The following FTCD variants were observed in gnomAD, a reference collection of about 807,000 sequenced individuals.
FTCD encodes the protein formimidoyltransferase cyclodeaminase.
FTCD carries 76 observed loss-of-function variants against 62.9 expected under a neutral mutation model. The ratio of observed to expected loss-of-function variants is 1.21; its 90% CI spans 1.00 to 1.46. FTCD has a LOEUF of 1.46. Ranked by LOEUF, FTCD falls within the 40% of genes most tolerant of loss-of-function variation. The pLI is 0.00. For missense variants in FTCD, 845 were observed against 751.3 expected, an observed-to-expected ratio of 1.12 and a Z score of -1.46; for synonymous variants, 397 against 336.9, an observed-to-expected ratio of 1.18 and a Z score of -1.95.
At chr21:46,146,124 C>G in intron 8 of FTCD, 142 bp downstream of exon 8, 1 of 759,456 alleles carries the variant, frequency 1.3e-6, no homozygotes, top group Non-Finnish European at 2.2e-6. Context: ...CAGACCCCGG[C>G]TTGGCGCAGG....
intron 2 of FTCD, among the ~76,000 whole-genome samples, chr21:46,153,276 G>C (rs746301113): frequency 3.9e-5 from 6 of 152,170 alleles, no homozygotes; most frequent in South Asian, 4.1e-4. Context: ...CAGCCAGTGT[G>C]GGGGAGGTCC....
chr21:46,150,886 T>G (rs1221478506), intron 5 of FTCD, among the ~76,000 whole-genome samples: 2 of 152,194 alleles, frequency 1.3e-5, no homozygotes, highest in Non-Finnish European at 2.9e-5. Context: ...TCCCGACAAG[T>G]CCCCTCAGCC....
chr21:46,147,078 G>A (rs2079164534), intron 7 of FTCD, among the ~76,000 whole-genome samples: 1 of 152,246 alleles, frequency 6.6e-6, no homozygotes, highest in Admixed American at 6.5e-5. Flanking sequence ...AGTCCGGAAA[G>A]GCCTGCCAGC....
At chr21:46,136,517 G>A, downstream of FTCD, 1 of 1,611,626 alleles carries the variant, frequency 6.2e-7, no homozygotes, top group Non-Finnish European at 8.5e-7. Context: ...CAGAACCAGG[G>A]CCCCTTTCCC....
chr21:46,136,589 T>G (rs1369669591), downstream of FTCD: 6 of 1,545,768 alleles, frequency 3.9e-6, no homozygotes, highest in African/African-American at 6.8e-5. Flanking sequence ...TGAATACCTG[T>G]GACCCTGCCC....
At chr21:46,155,281 C>G (rs983326246) in intron 1 of FTCD, among the ~76,000 whole-genome samples, 189 bp downstream of exon 1, 4 of 152,182 alleles carry the variant, frequency 2.6e-5, no homozygotes, top group Non-Finnish European at 2.9e-5. Context: ...GTGTTCCACC[C>G]ACCCCTGGGT....
chr21:46,140,980 G>C (rs1165548614), intron 10 of FTCD, among the ~76,000 whole-genome samples: 28 of 152,056 alleles, frequency 1.8e-4, no homozygotes, highest in Admixed American at 1.8e-3. Flanking sequence ...CTGATGCCTA[G>C]CACAGTCTCA....
At chr21:46,142,361 G>C (rs1462463816) in intron 10 of FTCD, 1 of 146,924 alleles carries the variant, frequency 6.8e-6, no homozygotes, top group African/African-American at 2.6e-5. Context: ...GCTCTTACAG[G>C]TGGCGCGTCG....
chr21:46,151,195 G>T (rs2079264316), intron 5 of FTCD, among the ~76,000 whole-genome samples: 1 of 152,102 alleles, frequency 6.6e-6, no homozygotes, highest in South Asian at 2.1e-4. Context: ...TTGTAGGGGT[G>T]TCGGGGCTCC....
chr21:46,150,306 C>A lies in FTCD; in HGVS notation c.775-56G>T, dbSNP rs186916919. The stretch of plus-strand genomic sequence containing the variant: ...GGGGCTGGCTGGAGAATGGCCCTGG[C>A]TGGAGGATGTGGGGCCCCCGCCCTG... On this transcript the variant is annotated intron_variant, in intron 6 of 13. Transcript: ENST00000397746. The A allele has an allele frequency of 4.2e-3, 6,807 of 1,609,512 alleles. 23 individuals carry two copies. The highest frequency in any genetic ancestry group is 5.2e-3 in the Non-Finnish European group (6,154 of 1,177,976).
At position 46,151,913 on chromosome 21, in the gene FTCD, C is replaced by G; in HGVS notation, c.435G>C (p.Glu145Asp). ...RRTLPAIRAG[E>D]YEALPKKLQQ... is the part of the protein sequence containing the mutation. ...GCACCTTCTTAGGGAGGGCCTCGTACTCCCCGGCCCGGATGGCCGGCAGGG... is the reference window on the plus strand; with the variant it reads ...GCACCTTCTTAGGGAGGGCCTCGTAGTCCCCGGCCCGGATGGCCGGCAGGG... Residue 145 changes from glutamate to aspartate, a missense_variant, in exon 4 of 14, where the codon GAG becomes GAC. Transcript: ENST00000397746. 6.4e-7 allele frequency: 1 copy of G among 1,566,058 alleles called. No individual in the cohort carries two copies. The highest frequency in any genetic ancestry group is 8.7e-7 in the Non-Finnish European group (1 of 1,156,030).
intron 6 of FTCD, 60 bp from the exon 7 acceptor site, chr21:46,150,310 AG>A: frequency 1.2e-6 from 2 of 1,609,518 alleles, no homozygotes; most frequent in Non-Finnish European, 1.7e-6. Flanking sequence ...CCCTGGCTGG[AG>A]GATGTGGGGC....
At chr21:46,154,632 G>C (rs372671882) in intron 1 of FTCD, among the ~76,000 whole-genome samples, 1 of 152,242 alleles carries the variant, frequency 6.6e-6, no homozygotes, top group Non-Finnish European at 1.5e-5. Context: ...AGACGTGGCC[G>C]GGGATCCAAG....
In FTCD at chr21:46,138,489, G is replaced by A. The variant is rs764143379; in HGVS notation, c.1443+19C>T. The A allele has an allele frequency of 2.6e-5, 41 of 1,574,282 alleles. No individual in the cohort carries two copies. Among genetic ancestry groups the A allele is most frequent in the Non-Finnish European group, 3.3e-5 (39 of 1,167,330 alleles). ...CCTGCTTTGCGGCAGGAGGCCTGGG[G>A]TCCCCCGGGCCCCCCTACCTGGAGG... On this transcript the variant is annotated intron_variant, in intron 12 of 13. Transcript: ENST00000397746.
intron 10 of FTCD, chr21:46,141,988 G>C (rs1026093919): frequency 1.3e-5 from 2 of 152,380 alleles, no homozygotes; most frequent in African/African-American, 4.8e-5. Context: ...GGGGCTGTGT[G>C]CGAGGGGAAG....
chr21:46,151,724 T>C lies in FTCD; in HGVS notation c.470A>G (p.Asp157Gly), dbSNP rs144229469. 2 of 1,612,726 alleles carry C rather than the reference T, an allele frequency of 1.2e-6. No homozygotes were observed. The highest frequency in any genetic ancestry group is 2.7e-5 in the African/African-American group (2 of 74,936). The change falls in exon 5 of 14, where the codon GAC becomes GGC. Residue 157 changes from aspartate to glycine, a missense_variant. By Grantham distance (94) the Asp-to-Gly change is moderately conservative. Transcript: ENST00000397746. ...EALPKKLQQA[D>G]WAPDFGPSSF... ...GCTGGGACCAAAGTCGGGCGCCCAG[T>C]CGGCCTGCTGGAGCTGTGAGCAAGT... is the stretch of plus-strand genomic sequence containing the variant.
chr21:46,148,395 T>C (rs1444850580), intron 7 of FTCD, among the ~76,000 whole-genome samples: 1 of 152,176 alleles, frequency 6.6e-6, no homozygotes, highest in Non-Finnish European at 1.5e-5. Flanking sequence ...GAGGCTGACG[T>C]GAGTGGATTG....
At chr21:46,153,317 G>A (rs2123578989) in intron 2 of FTCD, among the ~76,000 whole-genome samples, 1 of 152,352 alleles carries the variant, frequency 6.6e-6, no homozygotes, top group South Asian at 2.1e-4. Context: ...ACCTGAGCGG[G>A]TGGTCTGGCA....
In FTCD at chr21:46,151,998, G is replaced by C. The variant is rs775389167; in HGVS notation, c.368-18C>G. 2 of 1,540,612 alleles carry C rather than the reference G, an allele frequency of 1.3e-6. No homozygotes were observed. The highest frequency in any genetic ancestry group is 4.9e-5 in the East Asian group (2 of 41,112). ...CAGGTAAACTGCAGGAGAGCCCGGC[G>C]GTCAGGCCTGGACCGGCAGGGGGTC... is the stretch of plus-strand genomic sequence containing the variant. On this transcript the variant is annotated intron_variant, in intron 3 of 13. Transcript: ENST00000397746.
Sources: gnomAD v4.1 joint callset for allele counts (sites outside exome capture counted in the v4.1 genomes callset) on GRCh38, gnomAD v4.1.1 for gene constraint, MANE v1.5 for transcripts, NCBI Gene and HGNC (gene_info 2026-07-23, HGNC 2026-07-21) for gene names.